Variants in PARVG observed in about 807,000 individuals in gnomAD.
The protein encoded by PARVG is parvin gamma, also known as gamma-parvin.
In PARVG, 36 loss-of-function variants were observed where a neutral mutation model predicts 44.4. The observed-to-expected ratio is 0.81, with a 90% CI of 0.62 to 1.07. The LOEUF (loss-of-function observed/expected upper bound fraction) is 1.07, where lower values mean the gene tolerates loss of function less well. Among genes scored for constraint, PARVG ranks in the 50% least tolerant of loss-of-function variants. The pLI, the probability that PARVG is intolerant of heterozygous loss-of-function variation, is 0.00. For synonymous variants in PARVG, 170 were observed against 174.1 expected (o/e 0.98, Z 0.19); for missense variants, 407 against 407.4 (o/e 1.00, Z 0.01).
chr22:44,180,022 C>T (rs1042272026), upstream of PARVG, among the ~76,000 whole-genome samples: 1 of 152,192 alleles, frequency 6.6e-6, no homozygotes, highest in African/African-American at 2.4e-5. Flanking sequence ...CATCTATGGG[C>T]CGCAGCAGGG....
At chr22:44,183,286 C>T (rs1378623182) in intron 2 of PARVG, 32 bp from the exon 3 acceptor site, 2 of 1,569,714 alleles carry the variant, frequency 1.3e-6, no homozygotes, top group African/African-American at 2.7e-5. Context: ...GCTTCTCAGA[C>T]CGTGACGCCC....
At chr22:44,174,558 CAAA>C (rs202194271) in intron 1 of PARVG, among the ~76,000 whole-genome samples, 2 of 146,310 alleles carry the variant, frequency 1.4e-5, no homozygotes, top group African/African-American at 5.0e-5. Context: ...AACAAACAAA[CAAA>C]AAAAAAAACC....
intron 7 of PARVG, among the ~76,000 whole-genome samples, chr22:44,191,175 C>T (rs916343457): frequency 1.3e-5 from 2 of 152,122 alleles, no homozygotes; most frequent in Non-Finnish European, 2.9e-5. Context: ...GCCTGTGCTG[C>T]GGTTAATACC....
chr22:44,202,898 T>C (rs905150033), intron 12 of PARVG, among the ~76,000 whole-genome samples: 3 of 152,362 alleles, frequency 2.0e-5, no homozygotes, highest in Admixed American at 6.5e-5. Flanking sequence ...CCAGGAATCC[T>C]TGGCGTCCTT....
intron 1 of PARVG, 83 bp downstream of exon 1, chr22:44,181,268 G>A: frequency 1.1e-6 from 1 of 917,296 alleles, no homozygotes; most frequent in Non-Finnish European, 1.3e-6. Context: ...TGGTGGGTTT[G>A]AGTGAGTGGG....
chr22:44,193,898 T>C (rs1257049004), intron 9 of PARVG, 75 bp downstream of exon 9: 1 of 1,550,212 alleles, frequency 6.5e-7, no homozygotes, highest in Non-Finnish European at 8.9e-7. Flanking sequence ...TAATGCAGGG[T>C]TAATTGCTGA....
chr22:44,201,942 C>A (rs992808032), intron 12 of PARVG, among the ~76,000 whole-genome samples: 10 of 152,254 alleles, frequency 6.6e-5, no homozygotes, highest in African/African-American at 2.4e-4. Context: ...AATGGGCAGG[C>A]TGCCACTTCC....
upstream of PARVG, among the ~76,000 whole-genome samples, chr22:44,179,526 T>C (rs891997471): frequency 2.0e-5 from 3 of 152,210 alleles, no homozygotes; most frequent in Non-Finnish European, 1.5e-5. The surrounding 1 kb of genome is among the most constrained non-coding windows in gnomAD (Gnocchi z 4.2). Flanking sequence ...GTGCTCGTAT[T>C]GCGTATGGAA....
intron 7 of PARVG, 32 bp from the exon 8 acceptor site, chr22:44,192,017 T>G: frequency 6.2e-7 from 1 of 1,611,828 alleles, no homozygotes. Flanking sequence ...TTTTCTGGAT[T>G]ATTTAATTTC....
At chr22:44,173,924 G>A (rs2054294394) in intron 1 of PARVG, among the ~76,000 whole-genome samples, 3 of 152,218 alleles carry the variant, frequency 2.0e-5, no homozygotes, top group Non-Finnish European at 2.9e-5. Flanking sequence ...CTGCAGTAGA[G>A]TGCCAGGTCC....
rs2054801133 is a variant in PARVG at position 44,207,871 on chromosome 22, A to AC, written c.*1449dup. ...GTGTTCCACGTGAGCACTCAGATGC[A>AC]CCCCTCTTCATGGATACCCACCCTA... is the stretch of plus-strand genomic sequence containing the variant. On this transcript the variant is annotated 3_prime_UTR_variant, in exon 14 of 14. Transcript: ENST00000444313. The AC allele has an allele frequency of 6.6e-6, 1 of 152,168 alleles. No individual in the cohort carries two copies. 9.4% of individuals were successfully genotyped at this position (152,168 alleles called of 1,614,324 possible).
chr22:44,183,199 G>T, intron 2 of PARVG, 119 bp from the exon 3 acceptor site: 1 of 869,756 alleles, frequency 1.1e-6, no homozygotes. Flanking sequence ...GCATGCTGAC[G>T]TGTCCCCAGA....
rs2054303624 is a variant in PARVG, at chr22:44,174,813, T to C, written c.-189+1622T>C. Among the ~76,000 whole-genome samples, 3 of 152,192 alleles carry C rather than the reference T, an allele frequency of 2.0e-5. No individual in the cohort carries two copies. In the South Asian group the frequency reaches 6.2e-4, roughly 32 times the overall value. On this transcript the variant is annotated intron_variant, in intron 1 of 13. Coordinates refer to the PARVG transcript ENST00000422871. Reference sequence around the variant, plus strand: ...TAGCCTGACCTGATTCTCCGACCTTTCTCACTTGTTCTCAAATATAACTGC... The same window carrying C: ...TAGCCTGACCTGATTCTCCGACCTTCCTCACTTGTTCTCAAATATAACTGC...
Position 44,207,897 on chromosome 22 carries a change from C to T in PARVG, c.*1471C>T, listed in dbSNP as rs1321179853. On this transcript the variant is annotated 3_prime_UTR_variant, in exon 14 of 14. Coordinates refer to ENST00000444313, the MANE Select transcript of PARVG (RefSeq NM_022141.7). Reference sequence around the variant, plus strand: ...CCCCTCTTCATGGATACCCACCCTACTTCCCGGCTGCCTCTGGGAAACGTG... The same window carrying T: ...CCCCTCTTCATGGATACCCACCCTATTTCCCGGCTGCCTCTGGGAAACGTG... 6.6e-6 allele frequency: 1 copy of T among 152,420 alleles called. No homozygotes were observed. Among genetic ancestry groups the T allele is most frequent in the Non-Finnish European group, 1.5e-5 (1 of 68,196 alleles). The allele number at this position is 152,420 out of a possible 1,614,324, so 9.4% of individuals were successfully genotyped here. A position where few individuals can be genotyped will look rare whatever the true frequency, so the allele number is the denominator to read the frequency against.
At chr22:44,174,997 C>T (rs1601721816) in intron 1 of PARVG, among the ~76,000 whole-genome samples, 2 of 152,286 alleles carry the variant, frequency 1.3e-5, no homozygotes, top group South Asian at 4.1e-4. Flanking sequence ...TGCCAGGCAC[C>T]TGTAATCCCA....
chr22:44,198,547 C>T (rs1051584636), intron 11 of PARVG, 74 bp from the exon 12 acceptor site: 16 of 1,155,496 alleles, frequency 1.4e-5, no homozygotes, highest in Non-Finnish European at 1.9e-5. Flanking sequence ...CTTAGGGCCA[C>T]ACAGCCTGTA....
In PARVG at chr22:44,198,727, G is replaced by T. The variant is rs911614514; in HGVS notation, c.813+5G>T. On this transcript the variant is annotated splice_donor_5th_base_variant and intron_variant, in intron 12 of 13. Coordinates refer to ENST00000444313, the MANE Select transcript of PARVG (RefSeq NM_022141.7). ...CCCAACTCTCCTGCAGAAATGGTAA[G>T]TTTTCCAAGGATTTTTCTTTATGGT... 1 of 1,595,716 alleles carries T rather than the reference G, an allele frequency of 6.3e-7. No homozygotes were observed. Among genetic ancestry groups the T allele is most frequent in the African/African-American group, 1.3e-5 (1 of 74,610 alleles).
chr22:44,179,402 T>C (rs975694190), upstream of PARVG, among the ~76,000 whole-genome samples: 2 of 152,224 alleles, frequency 1.3e-5, no homozygotes, highest in African/African-American at 4.8e-5. This position sits in a 1 kb window ranked among gnomAD's most constrained non-coding sequence, Gnocchi z 4.2. Context: ...GAGAACTCCC[T>C]GTATTCTGCA....
chr22:44,199,911 T>G (rs937157860), intron 12 of PARVG, among the ~76,000 whole-genome samples: 2 of 152,136 alleles, frequency 1.3e-5, no homozygotes, highest in Non-Finnish European at 2.9e-5. Flanking sequence ...CCCTAGAGGC[T>G]GGTGGACTGG....
Sources: gnomAD v4.1 joint callset for allele counts (sites outside exome capture counted in the v4.1 genomes callset) on GRCh38, gnomAD v4.1.1 for gene constraint, Gnocchi (gnomAD v3.1) non-coding constraint, MANE v1.5 for transcripts, NCBI Gene and HGNC (gene_info 2026-07-23, HGNC 2026-07-21) for gene names.